Variants in HECW2 observed in about 807,000 individuals in gnomAD.
The protein encoded by HECW2 is E3 ubiquitin-protein ligase HECW2.
Under a neutral mutation model 175.2 loss-of-function variants are expected in HECW2, and 61 were observed. That is an observed-to-expected ratio of 0.35 (90% CI 0.28 to 0.43). The LOEUF (loss-of-function observed/expected upper bound fraction) is 0.43. HECW2 is among the 20% of genes least tolerant of loss of function. The pLI is 1.00. For missense variants in HECW2, 1,524 were observed against 2,000.5 expected, an observed-to-expected ratio of 0.76 and a Z score of 4.54; for synonymous variants, 671 against 731.0, an observed-to-expected ratio of 0.92 and a Z score of 1.32.
chr2:196,317,816 G>C (rs1184751304), intron 9 of HECW2, among the ~76,000 whole-genome samples: 1 of 152,144 alleles, frequency 6.6e-6, no homozygotes, highest in Non-Finnish European at 1.5e-5. Context: ...ATTGCTCTTT[G>C]ATTTTTAATG....
chr2:196,220,522 A>G (rs558917438), intron 25 of HECW2, among the ~76,000 whole-genome samples: 2 of 152,214 alleles, frequency 1.3e-5, no homozygotes, highest in African/African-American at 2.4e-5. Flanking sequence ...ATCTAAGCAT[A>G]AGATGCATGG....
intron 2 of HECW2, among the ~76,000 whole-genome samples, chr2:196,366,481 A>G (rs895331363): frequency 6.6e-6 from 1 of 152,216 alleles, no homozygotes; most frequent in Non-Finnish European, 1.5e-5. Flanking sequence ...TTAACAGATC[A>G]ATACCCACAA....
At chr2:196,492,678 T>C (rs193174653) in intron 1 of HECW2, among the ~76,000 whole-genome samples, 4 of 152,308 alleles carry the variant, frequency 2.6e-5, no homozygotes, top group South Asian at 2.1e-4. Context: ...GTATTCTCTT[T>C]CCTGAATTTA....
intron 2 of HECW2, among the ~76,000 whole-genome samples, chr2:196,375,380 C>T (rs773694385): frequency 2.6e-5 from 4 of 152,192 alleles, no homozygotes; most frequent in Non-Finnish European, 4.4e-5. Flanking sequence ...CACAGACAGA[C>T]ACACACAGAA....
At chr2:196,262,250 C>G (rs1575317471) in intron 17 of HECW2, among the ~76,000 whole-genome samples, 1 of 152,172 alleles carries the variant, frequency 6.6e-6, no homozygotes, top group Non-Finnish European at 1.5e-5. Flanking sequence ...TGGTCTTGAA[C>G]TCCTGGCCTC....
chr2:196,433,254 C>G lies in HECW2; in HGVS notation c.170G>C (p.Ser57Thr). The change falls in exon 2 of 29, where the codon AGC (serine) becomes ACC (threonine). Residue 57 changes from serine (S) to threonine (T), a missense_variant. By Grantham distance (58) the Ser-to-Thr change is moderately conservative. Coordinates refer to ENST00000644978, the MANE Select transcript of HECW2 (RefSeq NM_001348768.2). ...CATGCTGGCAGTTAAGCTGGAGCGG[C>G]TCTCAGAAGTCACCAGGTCGGTGTC... Reference protein sequence around the residue: ...NSDTDLVTSESRSSLTASMYE... With the variant: ...NSDTDLVTSETRSSLTASMYE... 6.2e-7 allele frequency: 1 copy of G among 1,614,144 alleles called. No homozygotes were observed. The highest frequency in any genetic ancestry group is 1.1e-5 in the South Asian group (1 of 91,078).
At chr2:196,429,898 G>A (rs1695657994) in intron 2 of HECW2, among the ~76,000 whole-genome samples, 2 of 152,202 alleles carry the variant, frequency 1.3e-5, no homozygotes, top group Admixed American at 6.5e-5. Context: ...GGTCTGGGGT[G>A]CACATGCTCA....
intron 21 of HECW2, chr2:196,240,072 A>T (rs1688391266): frequency 6.4e-6 from 1 of 155,348 alleles, no homozygotes. Context: ...AGCACGTTCT[A>T]CCTAGCCCTG....
In HECW2 at chr2:196,220,127, A is replaced by T. The variant is rs1412707554; in HGVS notation, c.4320T>A (p.Val1440=). ...CCAATTCCAGTTCTCTTGCATCAAA[A>T]ACAGATACCAGCCTGGCATCCACCA... ...YEVVDARLVS[V]FDARELELVI... Residue 1440 remains valine, a synonymous_variant, in exon 26 of 29, where the codon GTT becomes GTA. Coordinates refer to ENST00000644978, the MANE Select transcript of HECW2 (RefSeq NM_001348768.2). 1.2e-6 allele frequency: 2 copies of T among 1,613,312 alleles called. No individual in the cohort carries two copies. The highest frequency in any genetic ancestry group is 2.2e-5 in the South Asian group (2 of 91,070).
intron 21 of HECW2, 28 bp downstream of exon 21, chr2:196,240,420 TC>T (rs1688404341): frequency 1.3e-6 from 2 of 1,489,812 alleles, no homozygotes; most frequent in Non-Finnish European, 1.8e-6. Flanking sequence ...CAGCCTATGT[TC>T]CACAGGCCAC....
At chr2:196,213,036 T>C (rs571750403) in intron 28 of HECW2, among the ~76,000 whole-genome samples, 1 of 152,290 alleles carries the variant, frequency 6.6e-6, no homozygotes, top group East Asian at 1.9e-4. Context: ...GTAGGAGAAA[T>C]GGACTTGATA....
chr2:196,318,612 C>T lies in HECW2; in HGVS notation c.2278G>A (p.Ala760Thr), dbSNP rs1481288680. The T allele has an allele frequency of 6.3e-7, 1 of 1,578,994 alleles. No homozygotes were observed. Among genetic ancestry groups the T allele is most frequent in the Non-Finnish European group, 8.6e-7 (1 of 1,163,070 alleles). ...AESPPQEEGS[A>T]GEAQGTCEGA... The stretch of plus-strand genomic sequence containing the variant: ...TCACAGGTGCCTTGGGCCTCCCCAG[C>T]ACTGCCTTCTTCTTGCGGTGGGCTC... The change falls in exon 9 of 29, where the codon GCT becomes ACT. Residue 760 changes from alanine (A) to threonine (T), a missense_variant. Around this residue, in one of 11 missense-constraint regions of HECW2, gnomAD observed 604 missense variants for 588.3 expected, o/e 1.03. Coordinates refer to ENST00000644978, the MANE Select transcript of HECW2 (RefSeq NM_001348768.2).
At chr2:196,540,952 G>A (rs575484136) in intron 1 of HECW2, among the ~76,000 whole-genome samples, 1 of 152,270 alleles carries the variant, frequency 6.6e-6, no homozygotes, top group East Asian at 1.9e-4. Context: ...TGTAAATGTA[G>A]CATCTTGCCA....
chr2:196,527,871 T>C (rs1396154546), intron 1 of HECW2, among the ~76,000 whole-genome samples: 1 of 152,224 alleles, frequency 6.6e-6, no homozygotes, highest in East Asian at 1.9e-4. Flanking sequence ...TTATAAGCAG[T>C]CATGTAAATT....
At chr2:196,369,342 GTCTCTC>G (rs71410611) in intron 2 of HECW2, among the ~76,000 whole-genome samples, 11,576 of 131,482 alleles carry the variant, frequency 0.088, 515 homozygotes, top group South Asian at 0.13. Context: ...AACAAATGGA[GTCTCTC>G]TCTCTCTCTC....
intron 1 of HECW2, among the ~76,000 whole-genome samples, chr2:196,507,983 C>T (rs1464445546): frequency 6.6e-6 from 1 of 152,190 alleles, no homozygotes; most frequent in African/African-American, 2.4e-5. Flanking sequence ...AGCAGGGGTC[C>T]ATTGTTTCAA....
intron 2 of HECW2, 113 bp from the exon 3 acceptor site, chr2:196,343,877 T>C: frequency 5.5e-6 from 4 of 724,868 alleles, no homozygotes; most frequent in East Asian, 2.6e-5. Flanking sequence ...GAAAATATAA[T>C]GCACATTATT....
Position 196,524,765 on chromosome 2 carries a change from G to C in HECW2, c.-36+68743C>G, listed in dbSNP as rs537075286. 3.3e-5 allele frequency among the ~76,000 whole-genome samples: 4 copies of C among 121,616 alleles called. 1 individual carries two copies. The highest frequency in any genetic ancestry group is 6.3e-5 in the Non-Finnish European group (4 of 63,670). The allele number at this position is 121,616 out of a possible 152,430, so 79.8% of individuals were successfully genotyped here. On this transcript the variant is annotated intron_variant, in intron 1 of 28. Transcript: ENST00000644978. ...TAGTCATTCAGGAGCAGGTTGTTCA[G>C]TTTCCATGCAGTTGAGCGGCTTTGA...
chr2:196,338,566 C>A (rs1377302686), intron 3 of HECW2, among the ~76,000 whole-genome samples: 1 of 152,192 alleles, frequency 6.6e-6, no homozygotes, highest in East Asian at 1.9e-4. Flanking sequence ...CCACTCCCTG[C>A]AAGAAATGGT....
Sources: allele counts gnomAD v4.1 joint callset (sites outside exome capture counted in the v4.1 genomes callset), GRCh38; gene constraint gnomAD v4.1.1; regional missense constraint gnomAD v4.1.1; transcripts MANE v1.5; gene names NCBI Gene and HGNC (gene_info 2026-07-23, HGNC 2026-07-21).